Variants in STX18 observed in about 807,000 individuals in gnomAD.
STX18 encodes syntaxin-18.
STX18 carries 40 observed loss-of-function variants against 50.1 expected under a neutral mutation model. That is an observed-to-expected ratio of 0.80 (90% CI 0.62 to 1.04). The LOEUF is 1.04. STX18 is among the 50% of genes least tolerant of loss of function. The pLI is 0.00. For synonymous variants in STX18, 158 were observed against 151.8 expected (o/e 1.04, Z -0.30); for missense variants, 410 against 415.8 (o/e 0.99, Z 0.12).
chr4:4,424,111 A>G (rs1043894447), intron 8 of STX18, among the ~76,000 whole-genome samples: 1 of 152,164 alleles, frequency 6.6e-6, no homozygotes, highest in African/African-American at 2.4e-5. Flanking sequence ...ATTCATTTAG[A>G]AAATGCCATG....
Position 4,462,545 on chromosome 4 carries a change from G to A in STX18, c.237-3058C>T, listed in dbSNP as rs1577345031. On this transcript the variant is annotated intron_variant, in intron 2 of 10. Transcript: ENST00000306200. ...GAGTTGGCAATGAACAACTGGCCTCGGGAAAATGAGTAAAAGATAAAAGAC... is the reference window on the plus strand; with the variant it reads ...GAGTTGGCAATGAACAACTGGCCTCAGGAAAATGAGTAAAAGATAAAAGAC... Among the ~76,000 whole-genome samples, 9 of 152,166 alleles carry A rather than the reference G, an allele frequency of 5.9e-5. No homozygotes were observed. The South Asian group carries it at 1.9e-3, about 32-fold the overall frequency.
At chr4:4,421,205 C>T (rs1159383489) in intron 9 of STX18, among the ~76,000 whole-genome samples, 1 of 152,168 alleles carries the variant, frequency 6.6e-6, no homozygotes, top group Non-Finnish European at 1.5e-5. Context: ...CACAAATCCT[C>T]ACAGCACCCC....
intron 5 of STX18, among the ~76,000 whole-genome samples, chr4:4,454,388 G>T (rs958447377): frequency 6.6e-6 from 1 of 152,178 alleles, no homozygotes; most frequent in East Asian, 1.9e-4. Flanking sequence ...TTTTAGTCAA[G>T]GCCTCTGCTG....
At position 4,508,554 on chromosome 4, in the gene STX18, C is replaced by T. The variant is rs1729844351; in HGVS notation, c.168+33243G>A. Reference sequence around the variant, plus strand: ...GTAACAACAAACAATTTTTTTTCTTCAACTTTTATTTTAAGTTCTGGGGTA... The same window carrying T: ...GTAACAACAAACAATTTTTTTTCTTTAACTTTTATTTTAAGTTCTGGGGTA... On this transcript the variant is annotated intron_variant, in intron 1 of 10. Coordinates refer to ENST00000306200, the MANE Select transcript of STX18 (RefSeq NM_016930.4). Among the ~76,000 whole-genome samples, 4 of 151,894 alleles carry T rather than the reference C, an allele frequency of 2.6e-5. No individual in the cohort carries two copies. The South Asian group carries it at 8.3e-4, about 32-fold the overall frequency.
In STX18 at chr4:4,453,137, G is replaced by A. The variant is rs192049048; in HGVS notation, c.497+4054C>T. 1.9e-3 allele frequency among the ~76,000 whole-genome samples: 282 copies of A among 152,330 alleles called. 2 individuals carry two copies. Among genetic ancestry groups the A allele is most frequent in the African/African-American group, 6.3e-3 (261 of 41,584 alleles). ...AACATTGTTGAAATAACAAGGAAGG[G>A]CTTAGAATATTGCATAAACTTGGTT... On this transcript the variant is annotated intron_variant, in intron 5 of 10. Coordinates refer to ENST00000306200, the MANE Select transcript of STX18 (RefSeq NM_016930.4).
Position 4,420,224 on chromosome 4 carries a change from C to T in STX18, c.913-95G>A. Reference sequence around the variant, plus strand: ...CCCTCTTCCCACGTGCTCTCCTGATCCTGGCTGTAACTATGGGTGTCGTTC... The same window carrying T: ...CCCTCTTCCCACGTGCTCTCCTGATTCTGGCTGTAACTATGGGTGTCGTTC... On this transcript the variant is annotated intron_variant, in intron 10 of 10. Transcript: ENST00000306200. The surrounding 1 kb of genome is among the most constrained non-coding windows in gnomAD (Gnocchi z 4.3). The T allele has an allele frequency of 2.1e-6, 2 of 951,048 alleles. No homozygotes were observed. Among genetic ancestry groups the T allele is most frequent in the Admixed American group, 2.0e-5 (1 of 48,832 alleles). The allele number at this position is 951,048 out of a possible 1,614,324, so 58.9% of individuals were successfully genotyped here. A position where few individuals can be genotyped will look rare whatever the true frequency, so the allele number is the denominator to read the frequency against.
rs115453957 is a variant in STX18 at position 4,459,228 on chromosome 4, T to A, written c.352+144A>T. ...ACTTTTAACAGCTTTGGTTAAAACATTGATCAAGAAAGAAAAGATTTTAAC... is the reference window on the plus strand; with the variant it reads ...ACTTTTAACAGCTTTGGTTAAAACAATGATCAAGAAAGAAAAGATTTTAAC... On this transcript the variant is annotated intron_variant, in intron 3 of 10. Transcript: ENST00000306200. The A allele has an allele frequency of 6.8e-4, 430 of 636,282 alleles. 1 individual carries two copies. The African/African-American group carries it at 7.0e-3, about 10-fold the overall frequency. 39.4% of individuals were successfully genotyped at this position (636,282 alleles called of 1,614,324 possible).
intron 1 of STX18, 57 bp from the exon 2 acceptor site, chr4:4,471,763 A>G: frequency 8.2e-7 from 1 of 1,226,270 alleles, no homozygotes; most frequent in Non-Finnish European, 1.1e-6. Context: ...TCATGTAATG[A>G]ATTTTAAATT....
chr4:4,501,987 T>C (rs1017658913), intron 1 of STX18, among the ~76,000 whole-genome samples: 2 of 152,124 alleles, frequency 1.3e-5, no homozygotes, highest in Admixed American at 6.5e-5. Flanking sequence ...TTAGATTTTC[T>C]CAGAAAAACA....
chr4:4,455,214 A>G (rs1727001648), intron 5 of STX18, among the ~76,000 whole-genome samples: 1 of 152,198 alleles, frequency 6.6e-6, no homozygotes, highest in African/African-American at 2.4e-5. Flanking sequence ...ATTATGACAT[A>G]TCCTGATTAA....
chr4:4,491,435 T>G (rs960146486), intron 1 of STX18, among the ~76,000 whole-genome samples: 19 of 152,128 alleles, frequency 1.2e-4, no homozygotes, highest in African/African-American at 4.6e-4. Flanking sequence ...ATATATTAAT[T>G]TCATTTACTG....
In STX18 at chr4:4,419,451, A is replaced by AACTT. The variant is rs1352264953; in HGVS notation, c.*579_*582dup. On this transcript the variant is annotated 3_prime_UTR_variant, in exon 11 of 11. Transcript: ENST00000306200. ...TGGCTGGGCTGCCACTGAATTTGTC[A>AACTT]ACTTAGACTCATTGACAACACATTA... 3 of 152,340 alleles carry AACTT rather than the reference A, an allele frequency of 2.0e-5. No homozygotes were observed. The highest frequency in any genetic ancestry group is 4.8e-5 in the African/African-American group (2 of 41,572). 9.4% of individuals were successfully genotyped at this position (152,340 alleles called of 1,614,324 possible).
At chr4:4,447,956 A>C (rs1261141250) in intron 5 of STX18, among the ~76,000 whole-genome samples, 1 of 152,224 alleles carries the variant, frequency 6.6e-6, no homozygotes, top group Non-Finnish European at 1.5e-5. Flanking sequence ...TACAATCTGT[A>C]CAAGGGACTT....
chr4:4,451,777 C>T (rs1726765023), intron 5 of STX18, among the ~76,000 whole-genome samples: 1 of 152,110 alleles, frequency 6.6e-6, no homozygotes, highest in East Asian at 1.9e-4. Flanking sequence ...CTCCTCGGGC[C>T]GTCCTATTCC....
rs1725081651 is a variant in STX18 at position 4,423,644 on chromosome 4, CTG to C, written c.762-59_762-58del. ...ATTAGCACTTGGTAATCTAACAGGACTGTTACACACTTCTAAAGAAATCCTAT... is the reference window on the plus strand; with the variant it reads ...ATTAGCACTTGGTAATCTAACAGGACTTACACACTTCTAAAGAAATCCTAT... On this transcript the variant is annotated intron_variant, in intron 8 of 10. Transcript: ENST00000306200. The C allele has an allele frequency of 2.0e-6, 3 of 1,516,162 alleles. No individual in the cohort carries two copies. The African/African-American group carries it at 4.1e-5, about 21-fold the overall frequency. 93.9% of individuals were successfully genotyped at this position (1,516,162 alleles called of 1,614,324 possible).
chr4:4,460,282 TA>T (rs1439262982), intron 2 of STX18, among the ~76,000 whole-genome samples: 1 of 152,118 alleles, frequency 6.6e-6, no homozygotes, highest in Non-Finnish European at 1.5e-5. Context: ...AATAAATCAG[TA>T]ATAAATACTT....
At chr4:4,475,101 G>A (rs1319851891) in intron 1 of STX18, among the ~76,000 whole-genome samples, 7 of 152,170 alleles carry the variant, frequency 4.6e-5, no homozygotes, top group Admixed American at 4.6e-4. Flanking sequence ...CTACAAGGGA[G>A]GGATGGTGCC....
chr4:4,457,839 A>G (rs1476883699), intron 3 of STX18, among the ~76,000 whole-genome samples: 1 of 152,222 alleles, frequency 6.6e-6, no homozygotes. Context: ...ATGTTTAAAC[A>G]ACTGAAATCA....
intron 5 of STX18, among the ~76,000 whole-genome samples, chr4:4,452,595 G>A (rs1726816975): frequency 6.6e-6 from 1 of 152,208 alleles, no homozygotes; most frequent in African/African-American, 2.4e-5. Flanking sequence ...TACTCGAGAG[G>A]CTAAGGTGGG....
Sources: allele counts gnomAD v4.1 joint callset (sites outside exome capture counted in the v4.1 genomes callset), GRCh38; gene constraint gnomAD v4.1.1; non-coding constraint Gnocchi (gnomAD v3.1); transcripts MANE v1.5; gene names NCBI Gene and HGNC (gene_info 2026-07-23, HGNC 2026-07-21).